Variants in SPATA17 observed in about 807,000 individuals in gnomAD.
SPATA17 encodes spermatogenesis associated 17.
In SPATA17, 53 loss-of-function variants were observed where a neutral mutation model predicts 62.2. The ratio of observed to expected loss-of-function variants is 0.85; its 90% CI spans 0.68 to 1.07. SPATA17 has a LOEUF of 1.07. Among genes scored for constraint, SPATA17 ranks in the 50% least tolerant of loss-of-function variants. The probability of loss-of-function intolerance (pLI) is 0.00; values close to 1 mark genes in which losing one functional copy is unlikely to be tolerated. For missense variants in SPATA17, 466 were observed against 425.5 expected (o/e 1.10, Z -0.84); for synonymous variants, 146 against 146.8 (o/e 0.99, Z 0.04).
intron 9 of SPATA17, among the ~76,000 whole-genome samples, chr1:217,813,947 G>GAT (rs1316958483): frequency 6.6e-6 from 1 of 151,686 alleles, no homozygotes; most frequent in African/African-American, 2.4e-5. Context: ...ATTATATTAA[G>GAT]ATATATATAT....
intron 7 of SPATA17, among the ~76,000 whole-genome samples, chr1:217,775,946 G>T (rs1372406175): frequency 6.6e-6 from 1 of 151,826 alleles, no homozygotes; most frequent in Non-Finnish European, 1.5e-5. Flanking sequence ...TAAAAATATT[G>T]TTATACCACT....
At chr1:217,739,706 C>A (rs1672584941) in intron 5 of SPATA17, 1 of 151,996 alleles carries the variant, frequency 6.6e-6, no homozygotes, top group Admixed American at 6.6e-5. Flanking sequence ...CACCCTACTG[C>A]TATAACAAAA....
Position 217,825,128 on chromosome 1 carries a change from T to C in SPATA17, c.1005+23278T>C, listed in dbSNP as rs1044850536. Among the ~76,000 whole-genome samples, 6 of 151,444 alleles carry C rather than the reference T, an allele frequency of 4.0e-5. No homozygotes were observed. The South Asian group carries it at 1.2e-3, about 32-fold the overall frequency. Reference sequence around the variant, plus strand: ...TCCTAAAATATACAAAACAAACTATTATTTAGGAATAAAAACATATGCAGT... The same window carrying C: ...TCCTAAAATATACAAAACAAACTATCATTTAGGAATAAAAACATATGCAGT... On this transcript the variant is annotated intron_variant, in intron 9 of 10. Coordinates refer to ENST00000366933, the MANE Select transcript of SPATA17 (RefSeq NM_138796.4).
At chr1:217,739,467 T>C (rs910573415) in intron 5 of SPATA17, 11 of 151,838 alleles carry the variant, frequency 7.2e-5, no homozygotes, top group African/African-American at 2.7e-4. Context: ...GCCATATATA[T>C]CACAGGATTT....
At chr1:217,728,513 T>C (rs914785825) in intron 5 of SPATA17, among the ~76,000 whole-genome samples, 1 of 152,164 alleles carries the variant, frequency 6.6e-6, no homozygotes, top group African/African-American at 2.4e-5. Context: ...AGAGCCAATA[T>C]TAAGATTAAT....
intron 10 of SPATA17, among the ~76,000 whole-genome samples, chr1:217,866,259 G>C (rs2103018351): frequency 6.6e-6 from 1 of 152,284 alleles, no homozygotes; most frequent in African/African-American, 2.4e-5. Flanking sequence ...AATTGGCAAA[G>C]AGAAAAGAAT....
intron 5 of SPATA17, among the ~76,000 whole-genome samples, chr1:217,720,109 C>G (rs567048911): frequency 6.6e-6 from 1 of 152,158 alleles, no homozygotes. Flanking sequence ...GTAACACTTT[C>G]CCCAGTCATG....
At chr1:217,733,509 C>T (rs1168440006) in intron 5 of SPATA17, among the ~76,000 whole-genome samples, 5 of 152,290 alleles carry the variant, frequency 3.3e-5, no homozygotes, top group East Asian at 1.9e-4. Context: ...TTAAGCACTA[C>T]GTATGTATTT....
chr1:217,742,166 G>A, intron 6 of SPATA17, 68 bp downstream of exon 6: 2 of 1,569,790 alleles, frequency 1.3e-6, no homozygotes, highest in South Asian at 2.3e-5. Flanking sequence ...AGATAAACTA[G>A]CAGGCTGAAT....
chr1:217,739,313 C>T (rs1000107857), intron 5 of SPATA17, among the ~76,000 whole-genome samples: 3 of 152,130 alleles, frequency 2.0e-5, no homozygotes, highest in African/African-American at 7.2e-5. Context: ...AGGAAGATGA[C>T]AGCCTGGTCT....
rs535991604 is a variant in SPATA17 at position 217,654,298 on chromosome 1, C to A, written c.240+3120C>A. On this transcript the variant is annotated intron_variant, in intron 3 of 10. Transcript: ENST00000366933. ...AATTACAGGGACCTGCCATCACGCC[C>A]GGCTAATTTTCTTGTGTTTTTGGTA... Among the ~76,000 whole-genome samples the A allele has an allele frequency of 9.2e-5, 14 of 152,008 alleles. No individual in the cohort carries two copies. The East Asian group carries it at 2.5e-3, about 27-fold the overall frequency.
chr1:217,808,965 T>C (rs1042774442), intron 9 of SPATA17, among the ~76,000 whole-genome samples: 4 of 151,874 alleles, frequency 2.6e-5, no homozygotes, highest in African/African-American at 9.7e-5. Context: ...AGGGAAAGCA[T>C]CATGGTGGTG....
intron 5 of SPATA17, among the ~76,000 whole-genome samples, chr1:217,720,022 C>G (rs1225508161): frequency 6.6e-6 from 1 of 152,210 alleles, no homozygotes; most frequent in Non-Finnish European, 1.5e-5. Context: ...TTAGGCACTA[C>G]TGGTTCTCCT....
At chr1:217,762,907 G>T (rs182148867) in intron 6 of SPATA17, among the ~76,000 whole-genome samples, 1 of 152,214 alleles carries the variant, frequency 6.6e-6, no homozygotes, top group Non-Finnish European at 1.5e-5. Flanking sequence ...AGGAGGCAGT[G>T]GTTGCCACTG....
Position 217,846,284 on chromosome 1 carries a change from A to G in SPATA17, c.1006-16490A>G, listed in dbSNP as rs115834631. On this transcript the variant is annotated intron_variant, in intron 9 of 10. Coordinates refer to ENST00000366933, the MANE Select transcript of SPATA17 (RefSeq NM_138796.4). ...GTATTATGCATTAATATCCTAACCTACATTGCTAAAGAATGTTTTCATAAA... is the reference window on the plus strand; with the variant it reads ...GTATTATGCATTAATATCCTAACCTGCATTGCTAAAGAATGTTTTCATAAA... Among the ~76,000 whole-genome samples the G allele has an allele frequency of 6.7e-3, 1,024 of 152,214 alleles. 8 individuals are homozygous for G. The highest frequency in any genetic ancestry group is 0.014 in the Middle Eastern group (4 of 294).
At chr1:217,758,077 T>C (rs1673090044) in intron 6 of SPATA17, among the ~76,000 whole-genome samples, 1 of 152,188 alleles carries the variant, frequency 6.6e-6, no homozygotes, top group East Asian at 1.9e-4. Context: ...ATCAACAACC[T>C]GATATTGTAG....
At chr1:217,786,765 CTTCTTCTTCTTCTTCTTCT>C (rs1673878590) in intron 8 of SPATA17, among the ~76,000 whole-genome samples, 7 of 146,788 alleles carry the variant, frequency 4.8e-5, no homozygotes, top group African/African-American at 1.5e-4. Context: ...TCTTCTTCTT[CTTCTTCTTCTTCTTCTTCT>C]TCTTCTTCTT....
intron 5 of SPATA17, among the ~76,000 whole-genome samples, chr1:217,720,804 A>G (rs1672109356): frequency 6.6e-6 from 1 of 152,186 alleles, no homozygotes; most frequent in African/African-American, 2.4e-5. Context: ...AGAACCCAAG[A>G]AAGGAAATGT....
At chr1:217,641,891 T>C (rs1414036584) in intron 1 of SPATA17, among the ~76,000 whole-genome samples, 1 of 152,220 alleles carries the variant, frequency 6.6e-6, no homozygotes, top group Non-Finnish European at 1.5e-5. Flanking sequence ...ACGTTCTTTA[T>C]AGCAAAAGGA....
Sources: gnomAD v4.1 joint callset for allele counts (sites outside exome capture counted in the v4.1 genomes callset) on GRCh38, gnomAD v4.1.1 for gene constraint, MANE v1.5 for transcripts, NCBI Gene and HGNC (gene_info 2026-07-23, HGNC 2026-07-21) for gene names.